CGAS: variants seen among roughly 807,000 people sequenced by gnomAD.
The protein encoded by CGAS is 2'3'-cGAMP synthase.
In CGAS, 31 loss-of-function variants were observed where a neutral mutation model predicts 34.0. The ratio of observed to expected loss-of-function variants is 0.91; its 90% confidence interval spans 0.69 to 1.23. CGAS has a LOEUF of 1.23. Ranked by LOEUF, CGAS falls within the 50% of genes most tolerant of loss-of-function variation. The pLI is 0.00. For missense variants in CGAS, 597 were observed against 657.6 expected (o/e 0.91, Z 1.01); for synonymous variants, 266 against 260.0 (o/e 1.02, Z -0.22).
intron 2 of CGAS, among the ~76,000 whole-genome samples, chr6:73,442,589 TTTTC>T (rs1211144465): frequency 1.3e-5 from 2 of 150,300 alleles, no homozygotes; most frequent in Admixed American, 6.6e-5. Context: ...TTTTTTTCTT[TTTTC>T]TTTCTTTTTT....
rs1347477232 is a variant in CGAS at position 73,424,616 on chromosome 6, T to G, written c.*611A>C. Reference sequence around the variant, plus strand: ...AGCAAACATGGTAATGTTTTTAGATTTCAAATACTACTTTTGCTTCTTATT... The same window carrying G: ...AGCAAACATGGTAATGTTTTTAGATGTCAAATACTACTTTTGCTTCTTATT... On this transcript the variant is annotated 3_prime_UTR_variant, in exon 5 of 5. Coordinates refer to ENST00000370315, the MANE Select transcript of CGAS (RefSeq NM_138441.3). 6.6e-6 allele frequency: 1 copy of G among 152,114 alleles called. No individual in the cohort carries two copies. The highest frequency in any genetic ancestry group is 2.4e-5 in the African/African-American group (1 of 41,418). The allele number at this position is 152,114 out of a possible 1,614,324, so 9.4% of individuals were successfully genotyped here.
chr6:73,434,246 C>T lies in CGAS; in HGVS notation c.1115-5435G>A, dbSNP rs183311362. On this transcript the variant is annotated intron_variant, in intron 3 of 4. Transcript: ENST00000370315. ...AATTGAAACCCACAGATATGGAGGGCCAACTGTATTATATCATTTTATGTA... is the reference window on the plus strand; with the variant it reads ...AATTGAAACCCACAGATATGGAGGGTCAACTGTATTATATCATTTTATGTA... Among the ~76,000 whole-genome samples the T allele has an allele frequency of 5.1e-3, 769 of 152,264 alleles. 3 individuals are homozygous for T. Among genetic ancestry groups the T allele is most frequent in the Middle Eastern group, 0.01 (3 of 294 alleles).
At chr6:73,449,955 C>T (rs1227742081) in intron 1 of CGAS, among the ~76,000 whole-genome samples, 1 of 151,234 alleles carries the variant, frequency 6.6e-6, no homozygotes, top group African/African-American at 2.4e-5. Flanking sequence ...TAGATGGCAC[C>T]ACTGCACTAC....
chr6:73,438,348 T>C (rs1046688440), intron 3 of CGAS, among the ~76,000 whole-genome samples: 3 of 152,140 alleles, frequency 2.0e-5, no homozygotes, highest in African/African-American at 4.8e-5. Context: ...GAGGTGAAGC[T>C]AAGCATCCAG....
intron 3 of CGAS, among the ~76,000 whole-genome samples, chr6:73,435,968 C>T (rs1012953967): frequency 2.0e-5 from 3 of 151,868 alleles, no homozygotes; most frequent in African/African-American, 4.8e-5. Context: ...AGTTTTTTGT[C>T]CTTAAGATAA....
intron 3 of CGAS, among the ~76,000 whole-genome samples, chr6:73,431,578 C>T (rs942764250): frequency 6.6e-6 from 1 of 152,124 alleles, no homozygotes; most frequent in African/African-American, 2.4e-5. Context: ...GGAAACTCTA[C>T]AGGAAAAATA....
At chr6:73,435,893 T>C (rs1770273281) in intron 3 of CGAS, among the ~76,000 whole-genome samples, 1 of 152,070 alleles carries the variant, frequency 6.6e-6, no homozygotes, top group African/African-American at 2.4e-5. Flanking sequence ...ATCTACCTTT[T>C]TCAAAGTAAT....
chr6:73,451,833 T>C lies in CGAS; in HGVS notation c.349A>G (p.Arg117Gly), dbSNP rs745744660. The C allele has an allele frequency of 1.3e-6, 2 of 1,552,748 alleles. No homozygotes were observed. Among genetic ancestry groups the C allele is most frequent in the South Asian group, 2.4e-5 (2 of 84,650 alleles). The part of the protein sequence containing the change: ...PPAAREPALS[R>G]AGSCRQRGAR... ...CCCCTCTGGCGGCAAGAACCAGCCC[T>C]GGAAAGAGCCGGCTCCCGAGCCGCA... Residue 117 changes from arginine (R) to glycine (G), a missense_variant, in exon 1 of 5, where the codon AGG (arginine) becomes GGG (glycine). Arg to Gly is a moderately radical substitution (Grantham distance 125, BLOSUM62 -2). Around this residue, in one of 3 missense-constraint regions of CGAS, gnomAD observed 321 missense variants for 314.3 expected, o/e 1.02. Coordinates refer to ENST00000370315, the MANE Select transcript of CGAS (RefSeq NM_138441.3).
At chr6:73,448,222 T>G (rs1302864433) in intron 1 of CGAS, among the ~76,000 whole-genome samples, 1 of 151,998 alleles carries the variant, frequency 6.6e-6, no homozygotes, top group Non-Finnish European at 1.5e-5. Context: ...AGAAACCCCA[T>G]CTCTACTAAA....
intron 2 of CGAS, 73 bp from the exon 3 acceptor site, chr6:73,440,518 T>A (rs1770359934): frequency 1.6e-6 from 2 of 1,242,610 alleles, no homozygotes; most frequent in Non-Finnish European, 2.3e-6. Context: ...GGAAATAATG[T>A]AACTATAATT....
rs775328539 is a variant in CGAS, at chr6:73,440,276, C to T, written c.1047G>A (p.Arg349=). 3.1e-6 allele frequency: 5 copies of T among 1,614,160 alleles called. No homozygotes were observed. The highest frequency in any genetic ancestry group is 4.2e-6 in the Non-Finnish European group (5 of 1,180,050). ...AAAATGGCTTTAGTCGTAGTTGCTT[C>T]CTAACTTTTGCTGAAAGCCAGTTTT... ...RIQNWLSAKV[R]KQLRLKPFYL... The change falls in exon 3 of 5, where the codon AGG becomes AGA. Residue 349 remains arginine (R), a synonymous_variant. Transcript: ENST00000370315.
chr6:73,450,912 C>T (rs1037929428), intron 1 of CGAS, among the ~76,000 whole-genome samples: 5 of 150,998 alleles, frequency 3.3e-5, no homozygotes, highest in Non-Finnish European at 2.9e-5. Context: ...ATGGCGTGAA[C>T]CCGGGAGGCG....
At chr6:73,448,902 C>T (rs559483859) in intron 1 of CGAS, among the ~76,000 whole-genome samples, 1 of 151,054 alleles carries the variant, frequency 6.6e-6, no homozygotes, top group Non-Finnish European at 1.5e-5. Flanking sequence ...CCAGCCTGGC[C>T]AACATGCTGA....
At chr6:73,436,819 TGAGA>T (rs763740805) in intron 3 of CGAS, among the ~76,000 whole-genome samples, 1 of 150,374 alleles carries the variant, frequency 6.7e-6, no homozygotes, top group Admixed American at 6.7e-5. Context: ...ATTACATGAA[TGAGA>T]GAGAGAGAGA....
chr6:73,449,326 T>G (rs538912243), intron 1 of CGAS, among the ~76,000 whole-genome samples: 8 of 151,792 alleles, frequency 5.3e-5, no homozygotes, highest in Admixed American at 2.6e-4. Context: ...AATACAAAAA[T>G]TAGCTGGGCA....
chr6:73,429,126 G>A (rs945645479), intron 3 of CGAS, among the ~76,000 whole-genome samples: 2 of 151,244 alleles, frequency 1.3e-5, no homozygotes, highest in Non-Finnish European at 2.9e-5. Context: ...GGAGGTGGAG[G>A]TTGCAGTGAG....
chr6:73,425,485 A>G lies in CGAS; in HGVS notation c.1311T>C (p.His437=), dbSNP rs947948575. 2 of 1,613,832 alleles carry G rather than the reference A, an allele frequency of 1.2e-6. No individual in the cohort carries two copies. The highest frequency in any genetic ancestry group is 1.7e-5 in the Admixed American group (1 of 59,938). ...KKHLDKFSSY[H]VKTAFFHVCT... Reference sequence around the variant, plus strand: ...ATACGTGAAAGAAGGCAGTTTTCACATGATAAGAAGAGAATTTATCCAGAT... The same window carrying G: ...ATACGTGAAAGAAGGCAGTTTTCACGTGATAAGAAGAGAATTTATCCAGAT... The change falls in exon 5 of 5, where the codon CAT becomes CAC. Residue 437 remains histidine, a synonymous_variant. Transcript: ENST00000370315.
intron 3 of CGAS, among the ~76,000 whole-genome samples, chr6:73,438,005 G>T (rs1770307189): frequency 1.3e-5 from 2 of 152,100 alleles, no homozygotes; most frequent in African/African-American, 2.4e-5. Context: ...GGAGGTGGAG[G>T]TTGCAGTGAG....
chr6:73,449,507 AC>A (rs1220376723), intron 1 of CGAS, among the ~76,000 whole-genome samples: 4 of 151,818 alleles, frequency 2.6e-5, no homozygotes, highest in Non-Finnish European at 5.9e-5. Flanking sequence ...ACACACACAC[AC>A]AAAGTGGTTC....
Sources: gnomAD v4.1 joint callset for allele counts (sites outside exome capture counted in the v4.1 genomes callset) on GRCh38, gnomAD v4.1.1 for gene constraint, gnomAD v4.1.1 regional missense constraint, MANE v1.5 for transcripts, NCBI Gene and HGNC (gene_info 2026-07-23, HGNC 2026-07-21) for gene names.